The following LRRC56 variants were observed in gnomAD, a reference collection of about 807,000 sequenced individuals.
The protein encoded by LRRC56 is leucine-rich repeat-containing protein 56.
LRRC56 carries 41 observed loss-of-function variants against 47.8 expected under a neutral mutation model. The ratio of observed to expected loss-of-function variants is 0.86; its 90% CI spans 0.67 to 1.11. LRRC56 has a LOEUF of 1.11. LRRC56 is among the 50% of genes most tolerant of loss of function. The pLI is 0.00. For missense variants in LRRC56, 759 were observed against 704.2 expected (o/e 1.08, Z -0.88); for synonymous variants, 387 against 311.2 (o/e 1.24, Z -2.56).
At chr11:540,221 G>C (rs1004247149) in intron 3 of LRRC56, among the ~76,000 whole-genome samples, 1 of 152,198 alleles carries the variant, frequency 6.6e-6, no homozygotes, top group Non-Finnish European at 1.5e-5. Context: ...CCTGGGACTT[G>C]ATCCTGGACC....
chr11:523,061 C>T, the LRRC56 span, among the ~76,000 whole-genome samples: 4 of 152,110 alleles, frequency 2.6e-5, no homozygotes, highest in Non-Finnish European at 4.4e-5. Flanking sequence ...CTGAGCCTCG[C>T]TATATCACCC....
the LRRC56 span, among the ~76,000 whole-genome samples, chr11:522,606 C>T: frequency 6.6e-6 from 1 of 151,706 alleles, no homozygotes; most frequent in East Asian, 1.9e-4. Flanking sequence ...CACCATGTTG[C>T]CCAGGCTGGT....
intron 6 of LRRC56, among the ~76,000 whole-genome samples, chr11:545,619 C>T (rs1335843328): frequency 6.6e-6 from 1 of 152,202 alleles, no homozygotes; most frequent in East Asian, 1.9e-4. Flanking sequence ...GACCAGCTCC[C>T]AGGAGAAGCA....
intron 13 of LRRC56, among the ~76,000 whole-genome samples, chr11:553,396 G>C (rs1852536180): frequency 6.6e-6 from 1 of 152,166 alleles, no homozygotes; most frequent in Non-Finnish European, 1.5e-5. Context: ...CCAAGCCTCT[G>C]CTCTTCCATA....
chr11:554,691 A>T lies in LRRC56; in HGVS notation c.*415A>T, dbSNP rs990725470. The T allele has an allele frequency of 7.0e-6, 3 of 428,992 alleles. No homozygotes were observed. Among genetic ancestry groups the T allele is most frequent in the African/African-American group, 6.3e-5 (3 of 47,730 alleles). 26.6% of individuals were successfully genotyped at this position (428,992 alleles called of 1,614,324 possible). On this transcript the variant is annotated 3_prime_UTR_variant, in exon 14 of 14. Coordinates refer to ENST00000270115, the MANE Select transcript of LRRC56 (RefSeq NM_198075.4). ...GGGTAAGAGCCACCTCCTAGGCCGC[A>T]GTGGCCCAAGGTCCCAGCTGCTCGC... is the stretch of plus-strand genomic sequence containing the variant.
chr11:534,047 C>T, upstream of LRRC56: 4 of 1,350,086 alleles, frequency 3.0e-6, no homozygotes, highest in African/African-American at 1.4e-5. Flanking sequence ...ATGCCCCCTC[C>T]TCTCCTGGGG....
At chr11:508,689 C>T in the LRRC56 span, among the ~76,000 whole-genome samples, 2 of 151,302 alleles carry the variant, frequency 1.3e-5, no homozygotes, top group Non-Finnish European at 2.9e-5. Flanking sequence ...ATCGCTTGAA[C>T]ACGGGAAGCA....
In LRRC56 at chr11:554,909, C is replaced by CG; in HGVS notation, c.*635dup. The CG allele has an allele frequency of 1.8e-6, 2 of 1,109,940 alleles. No homozygotes were observed. The highest frequency in any genetic ancestry group is 6.1e-5 in the East Asian group (2 of 33,054). The allele number at this position is 1,109,940 out of a possible 1,614,324, so 68.8% of individuals were successfully genotyped here. A position where few individuals can be genotyped will look rare whatever the true frequency, so the allele number is the denominator to read the frequency against. On this transcript the variant is annotated 3_prime_UTR_variant, in exon 14 of 14. Coordinates refer to ENST00000270115, the MANE Select transcript of LRRC56 (RefSeq NM_198075.4). ...CACGTTGGTTCAATAAATGATGCAGCGGACACAGCCCGCCCAGCCCCGGCG... is the reference window on the plus strand; with the variant it reads ...CACGTTGGTTCAATAAATGATGCAGCGGGACACAGCCCGCCCAGCCCCGGCG...
intron 8 of LRRC56, 65 bp downstream of exon 8, chr11:550,337 C>T (rs2134060983): frequency 7.0e-7 from 1 of 1,433,900 alleles, no homozygotes; most frequent in Non-Finnish European, 9.2e-7. Context: ...GGCTCCAGCC[C>T]CGGGGCCCCT....
rs937409130 is a variant in LRRC56 at position 551,113 on chromosome 11, C to T, written c.625-18C>T. 4 of 1,395,266 alleles carry T rather than the reference C, an allele frequency of 2.9e-6. No homozygotes were observed. The highest frequency in any genetic ancestry group is 3.8e-6 in the Non-Finnish European group (4 of 1,047,846). The allele number at this position is 1,395,266 out of a possible 1,614,324, so 86.4% of individuals were successfully genotyped here. On this transcript the variant is annotated intron_variant, in intron 8 of 13. Coordinates refer to ENST00000270115, the MANE Select transcript of LRRC56 (RefSeq NM_198075.4). ...GGACCCAGACCTGCCCTCCCTCCCC[C>T]TCCCCCTCCCCCTGCAGGTGCCCAG...
chr11:547,409 A>G (rs967642255), intron 6 of LRRC56, among the ~76,000 whole-genome samples: 12 of 151,408 alleles, frequency 7.9e-5, no homozygotes, highest in Non-Finnish European at 1.8e-4. Context: ...GCTGGAGTGC[A>G]GTGGCGCAAT....
the LRRC56 span, among the ~76,000 whole-genome samples, chr11:513,437 G>A: frequency 3.3e-5 from 5 of 152,150 alleles, no homozygotes; most frequent in Non-Finnish European, 7.3e-5. Flanking sequence ...GGGATTACAG[G>A]TGTGAGCCAC....
At chr11:509,241 A>G in the LRRC56 span, among the ~76,000 whole-genome samples, 3 of 152,282 alleles carry the variant, frequency 2.0e-5, no homozygotes, top group East Asian at 1.9e-4. Flanking sequence ...AGAATTCATG[A>G]CAAGAAGCTG....
chr11:554,254 AC>A lies in LRRC56; in HGVS notation c.1611del (p.Ser538AlafsTer142). On this transcript the variant is annotated frameshift_variant, in exon 14 of 14. Transcript: ENST00000270115. LOFTEE classifies it high-confidence loss of function. Reference sequence around the variant, plus strand: ...CCTCCCAGGGCAGCTGAACTCTCTCACCCCAGCCCCGTCCCCACTTAATATA... The same window carrying A: ...CCTCCCAGGGCAGCTGAACTCTCTCACCCAGCCCCGTCCCCACTTAATATA... ...ARPPRAAELS[H>X]PSPVPT 1 of 1,496,572 alleles carries A rather than the reference AC, an allele frequency of 6.7e-7. No individual in the cohort carries two copies. The highest frequency in any genetic ancestry group is 8.9e-7 in the Non-Finnish European group (1 of 1,127,018). 92.7% of individuals were successfully genotyped at this position (1,496,572 alleles called of 1,614,324 possible). A position where few individuals can be genotyped will look rare whatever the true frequency, so the allele number is the denominator to read the frequency against.
At chr11:553,575 G>A (rs183386563) in intron 13 of LRRC56, among the ~76,000 whole-genome samples, 55 of 152,312 alleles carry the variant, frequency 3.6e-4, no homozygotes, top group Admixed American at 2.4e-3. Context: ...TCCAGACACC[G>A]GTGGAGGCGG....
chr11:552,718 G>C lies in LRRC56; in HGVS notation c.1315+16G>C, dbSNP rs529061999. The C allele has an allele frequency of 1.6e-5, 25 of 1,585,958 alleles. No individual in the cohort carries two copies. The highest frequency in any genetic ancestry group is 1.7e-4 in the Middle Eastern group (1 of 5,888). On this transcript the variant is annotated intron_variant, in intron 13 of 13. Transcript: ENST00000270115. ...CTGGCCTCAGGTACTGAGCCTGCCCGCCTGCCCCCCAGTGCCTGGGAGTGA... is the reference window on the plus strand; with the variant it reads ...CTGGCCTCAGGTACTGAGCCTGCCCCCCTGCCCCCCAGTGCCTGGGAGTGA...
chr11:551,998 G>A (rs762833388), intron 11 of LRRC56, 31 bp downstream of exon 11: 2 of 1,611,986 alleles, frequency 1.2e-6, no homozygotes, highest in South Asian at 2.2e-5. Context: ...CCCCCCACGA[G>A]AACCAGTGTC....
At chr11:548,019 G>A (rs560634300) in intron 6 of LRRC56, among the ~76,000 whole-genome samples, 54 of 152,086 alleles carry the variant, frequency 3.6e-4, no homozygotes, top group Middle Eastern at 3.4e-3. Context: ...ACAGCTACTC[G>A]GGAGGCTGAG....
At position 544,653 on chromosome 11, in the gene LRRC56, TGAA is replaced by T. The variant is rs1385750225; in HGVS notation, c.266-65_266-63del. On this transcript the variant is annotated intron_variant, in intron 5 of 13. Coordinates refer to ENST00000270115, the MANE Select transcript of LRRC56 (RefSeq NM_198075.4). ...GGCCGGGGGTGCTGATGCCTAGGGGTGAAGGAGGGTGCAGAGGTGGGCGGGGTG... is the reference window on the plus strand; with the variant it reads ...GGCCGGGGGTGCTGATGCCTAGGGGTGGAGGGTGCAGAGGTGGGCGGGGTG... The T allele has an allele frequency of 3.9e-6, 6 of 1,524,624 alleles. No homozygotes were observed. In the African/African-American group the frequency reaches 5.5e-5, roughly 14 times the overall value. 94.4% of individuals were successfully genotyped at this position (1,524,624 alleles called of 1,614,324 possible). A position where few individuals can be genotyped will look rare whatever the true frequency, so the allele number is the denominator to read the frequency against.
Sources: allele counts gnomAD v4.1 joint callset (sites outside exome capture counted in the v4.1 genomes callset), GRCh38; gene constraint gnomAD v4.1.1; transcripts MANE v1.5; gene names NCBI Gene and HGNC (gene_info 2026-07-23, HGNC 2026-07-21).